SLC67A2: variants seen among roughly 807,000 people sequenced by gnomAD.
SLC67A2 encodes solute carrier family 67 member 2.
chr2:102,716,999 TTG>T, the SLC67A2 span: 2 of 152,230 alleles, frequency 1.3e-5, no homozygotes, highest in Non-Finnish European at 2.9e-5. Context: ...AACAGAATGC[TTG>T]TGTTTGCAGG....
the SLC67A2 span, chr2:102,736,768 G>C: frequency 6.2e-7 from 1 of 1,613,542 alleles, no homozygotes; most frequent in Non-Finnish European, 8.5e-7. Flanking sequence ...TCCGAGACCA[G>C]CCTCGGGGCC....
chr2:102,727,982 T>C, the SLC67A2 span, among the ~76,000 whole-genome samples: 11 of 152,290 alleles, frequency 7.2e-5, no homozygotes, highest in African/African-American at 2.4e-4. Flanking sequence ...CCCCTTAGAA[T>C]TCCCACATTT....
chr2:102,723,779 G>C, the SLC67A2 span: 2 of 1,614,160 alleles, frequency 1.2e-6, no homozygotes, highest in Non-Finnish European at 8.5e-7. Flanking sequence ...GATAGCCACC[G>C]ACCACGGGGC....
the SLC67A2 span, chr2:102,723,884 G>A: frequency 3.1e-6 from 5 of 1,613,948 alleles, no homozygotes; most frequent in African/African-American, 6.7e-5. Flanking sequence ...GAGCCCTTGA[G>A]ATGGAGAGAG....
chr2:102,734,816 G>A, the SLC67A2 span, among the ~76,000 whole-genome samples: 1 of 152,154 alleles, frequency 6.6e-6, no homozygotes, highest in South Asian at 2.1e-4. Flanking sequence ...ACAGCATAAA[G>A]AAAACATATG....
At chr2:102,718,991 A>C in the SLC67A2 span, 1 of 1,614,232 alleles carries the variant, frequency 6.2e-7, no homozygotes, top group East Asian at 2.2e-5. Flanking sequence ...TATGTCCCAC[A>C]TTTCGGAAAA....
chr2:102,719,311 A>G, the SLC67A2 span: 3 of 1,176,238 alleles, frequency 2.6e-6, no homozygotes, highest in Non-Finnish European at 3.6e-6. Flanking sequence ...ACTAATCTAT[A>G]TTTTGGTACT....
chr2:102,717,757 G>A, the SLC67A2 span: 1 of 152,562 alleles, frequency 6.6e-6, no homozygotes, highest in African/African-American at 2.4e-5. Context: ...GTCTCAGTGT[G>A]GTCTTTACTG....
At chr2:102,721,687 G>A in the SLC67A2 span, among the ~76,000 whole-genome samples, 1 of 151,420 alleles carries the variant, frequency 6.6e-6, no homozygotes, top group Non-Finnish European at 1.5e-5. Flanking sequence ...GTGTGTCTGT[G>A]TGTGTGTCTG....
the SLC67A2 span, among the ~76,000 whole-genome samples, chr2:102,721,770 T>C: frequency 1.3e-5 from 2 of 152,174 alleles, no homozygotes; most frequent in Non-Finnish European, 2.9e-5. Context: ...CGTGGTGTGA[T>C]CACGGCTCAC....
the SLC67A2 span, chr2:102,716,475 C>G: frequency 6.6e-6 from 1 of 152,156 alleles, no homozygotes; most frequent in Admixed American, 6.5e-5. Flanking sequence ...ATAGTTTGGT[C>G]TCCTCGAAAG....
At chr2:102,729,260 G>T in the SLC67A2 span, among the ~76,000 whole-genome samples, 1 of 152,096 alleles carries the variant, frequency 6.6e-6, no homozygotes, top group Non-Finnish European at 1.5e-5. Context: ...GAAAAAAAGG[G>T]TAGAGTCATA....
chr2:102,725,783 C>T, the SLC67A2 span, among the ~76,000 whole-genome samples: 5 of 151,964 alleles, frequency 3.3e-5, no homozygotes, highest in African/African-American at 7.3e-5. Flanking sequence ...TGTGGAAATC[C>T]CAGGTGAGTC....
chr2:102,723,706 T>C, the SLC67A2 span: 120 of 1,613,924 alleles, frequency 7.4e-5, no homozygotes, highest in Non-Finnish European at 9.2e-5. Context: ...TTACCAGCAT[T>C]GAGAATGAAG....
chr2:102,722,707 T>C, the SLC67A2 span, among the ~76,000 whole-genome samples: 10 of 152,200 alleles, frequency 6.6e-5, no homozygotes, highest in East Asian at 1.7e-3. Context: ...CTTCTTGAAA[T>C]TGACCTTGGC....
At chr2:102,726,756 A>G in the SLC67A2 span, 1 of 1,496,536 alleles carries the variant, frequency 6.7e-7, no homozygotes, top group Non-Finnish European at 8.9e-7. Flanking sequence ...AAGACCACAG[A>G]GGTGGCCCAG....
the SLC67A2 span, among the ~76,000 whole-genome samples, chr2:102,721,168 T>C: frequency 6.6e-6 from 1 of 152,244 alleles, no homozygotes; most frequent in South Asian, 2.1e-4. Context: ...GGCACTATTG[T>C]TGAAGGATCC....
the SLC67A2 span, among the ~76,000 whole-genome samples, chr2:102,715,259 C>T: frequency 4.9e-3 from 753 of 152,324 alleles, 1 homozygote; most frequent in Non-Finnish European, 6.8e-3. Flanking sequence ...TCCCCTTCAT[C>T]CGTCAATACA....
the SLC67A2 span, chr2:102,719,050 C>T: frequency 6.2e-7 from 1 of 1,614,252 alleles, no homozygotes; most frequent in South Asian, 1.1e-5. Context: ...CGACCCAGGG[C>T]TGGGCAGTCT....
Sources: gnomAD v4.1 joint callset for allele counts (sites outside exome capture counted in the v4.1 genomes callset) on GRCh38, gnomAD v4.1.1 for gene constraint, MANE v1.5 for transcripts, NCBI Gene and HGNC (gene_info 2026-07-23, HGNC 2026-07-21) for gene names.